Variants in UBL3 observed in about 807,000 individuals in gnomAD.
The protein encoded by UBL3 is ubiquitin-like protein 3.
A neutral mutation model predicts 18.4 loss-of-function variants in UBL3; 6 were observed. That is an observed-to-expected ratio of 0.33 (90% CI 0.18 to 0.64). UBL3 has a LOEUF of 0.64. UBL3 is among the 30% of genes least tolerant of loss of function. The pLI is 0.76. For synonymous variants in UBL3, 49 were observed against 46.6 expected, an observed-to-expected ratio of 1.05 and a Z score of -0.21; for missense variants, 109 against 142.9, an observed-to-expected ratio of 0.76 and a Z score of 1.21.
intron 1 of UBL3, among the ~76,000 whole-genome samples, chr13:29,830,533 G>GAAT: frequency 6.6e-6 from 1 of 152,260 alleles, no homozygotes; most frequent in Middle Eastern, 3.4e-3. Context: ...TGGGTACAAA[G>GAAT]AATTTAACAA....
At chr13:29,845,359 T>C (rs922464276) in intron 1 of UBL3, among the ~76,000 whole-genome samples, 53 of 152,218 alleles carry the variant, frequency 3.5e-4, no homozygotes, top group Admixed American at 2.3e-3. Context: ...TAAACAGTAC[T>C]TATCTACCTT....
intron 1 of UBL3, among the ~76,000 whole-genome samples, chr13:29,837,883 T>C (rs1191429270): frequency 2.0e-5 from 3 of 149,120 alleles, no homozygotes; most frequent in African/African-American, 5.0e-5. Context: ...GGAACTGAAA[T>C]TGCACCACTG....
At chr13:29,832,499 A>G (rs1878807803) in intron 1 of UBL3, among the ~76,000 whole-genome samples, 1 of 151,970 alleles carries the variant, frequency 6.6e-6, no homozygotes, top group Non-Finnish European at 1.5e-5. Context: ...CGCCCGGCTA[A>G]TTTTTTGTAT....
At chr13:29,836,769 A>G (rs1431368689) in intron 1 of UBL3, among the ~76,000 whole-genome samples, 1 of 152,210 alleles carries the variant, frequency 6.6e-6, no homozygotes, top group African/African-American at 2.4e-5. Flanking sequence ...AACCTCAAAG[A>G]AAGGGGCCCA....
rs138633582 is a variant in UBL3 at position 29,848,918 on chromosome 13, T to C, written c.27+594A>G. ...GCATTAAAAAGCCCTGGAATATTCA[T>C]TGTAAGTACCAATACAGGGTCAGCC... On this transcript the variant is annotated intron_variant, in intron 1 of 4. Transcript: ENST00000380680. Among the ~76,000 whole-genome samples, 354 of 152,350 alleles carry C rather than the reference T, an allele frequency of 2.3e-3. 3 individuals carry two copies. The highest frequency in any genetic ancestry group is 8.3e-3 in the African/African-American group (344 of 41,572).
At chr13:29,811,373 A>G (rs1323931) in intron 1 of UBL3, among the ~76,000 whole-genome samples, 19,152 of 152,136 alleles carry the variant, frequency 0.13, 1,497 homozygotes, top group East Asian at 0.41. Context: ...TCCTAAGAGT[A>G]TTTTAAAATG....
At chr13:29,846,579 AG>A (rs1156392118) in intron 1 of UBL3, among the ~76,000 whole-genome samples, 1 of 152,172 alleles carries the variant, frequency 6.6e-6, no homozygotes, top group Non-Finnish European at 1.5e-5. Flanking sequence ...TCTATTTTAA[AG>A]TGAGTCATAA....
intron 1 of UBL3, among the ~76,000 whole-genome samples, chr13:29,809,216 G>C (rs931887558): frequency 2.0e-5 from 3 of 152,170 alleles, no homozygotes; most frequent in African/African-American, 4.8e-5. Flanking sequence ...GGGTCAACAG[G>C]GTCCTAGAAT....
At chr13:29,783,485 G>A (rs1877231480) in intron 1 of UBL3, among the ~76,000 whole-genome samples, 1 of 152,104 alleles carries the variant, frequency 6.6e-6, no homozygotes, top group Non-Finnish European at 1.5e-5. Flanking sequence ...GAAAAACACT[G>A]GATTCCCATA....
At chr13:29,803,759 C>A (rs1877832495) in intron 1 of UBL3, among the ~76,000 whole-genome samples, 1 of 152,100 alleles carries the variant, frequency 6.6e-6, no homozygotes, top group Non-Finnish European at 1.5e-5. Context: ...CATATCTGCA[C>A]CCAACACAGG....
At chr13:29,780,798 T>C (rs1877134857) in intron 1 of UBL3, among the ~76,000 whole-genome samples, 1 of 152,194 alleles carries the variant, frequency 6.6e-6, no homozygotes, top group Admixed American at 6.5e-5. Context: ...CAGGACTCTC[T>C]TGCTGCCAAA....
At chr13:29,826,728 T>A (rs1878629901) in intron 1 of UBL3, among the ~76,000 whole-genome samples, 2 of 152,230 alleles carry the variant, frequency 1.3e-5, no homozygotes, top group African/African-American at 4.8e-5. Flanking sequence ...TTCTGCTAGC[T>A]TTTGAATGTG....
At chr13:29,837,239 G>T (rs1221655895) in intron 1 of UBL3, among the ~76,000 whole-genome samples, 1 of 151,958 alleles carries the variant, frequency 6.6e-6, no homozygotes, top group Non-Finnish European at 1.5e-5. Context: ...CAAAACAACA[G>T]AAACAGGCTC....
In UBL3 at chr13:29,767,700, G is replaced by A; in HGVS notation, c.224-5C>T. On this transcript the variant is annotated splice_region_variant and splice_polypyrimidine_tract_variant and intron_variant, in intron 3 of 4. Coordinates refer to ENST00000380680, the MANE Select transcript of UBL3 (RefSeq NM_007106.4). Reference sequence around the variant, plus strand: ...TGCCAAAAGGAAGTTTTAATGCTATGTGAAAAGCAAAAGATGATTAGTTAC... The same window carrying A: ...TGCCAAAAGGAAGTTTTAATGCTATATGAAAAGCAAAAGATGATTAGTTAC... The A allele has an allele frequency of 6.2e-7, 1 of 1,611,890 alleles. No individual in the cohort carries two copies. The highest frequency in any genetic ancestry group is 1.7e-5 in the Admixed American group (1 of 59,796).
At chr13:29,848,220 G>C (rs1175001041) in intron 1 of UBL3, among the ~76,000 whole-genome samples, 2 of 144,526 alleles carry the variant, frequency 1.4e-5, no homozygotes, top group African/African-American at 5.2e-5. Context: ...AAGATGGGTG[G>C]ATCATCTGAG....
At chr13:29,789,535 T>C (rs1593656570) in intron 1 of UBL3, among the ~76,000 whole-genome samples, 1 of 152,318 alleles carries the variant, frequency 6.6e-6, no homozygotes, top group Middle Eastern at 3.4e-3. Context: ...AACACACAAA[T>C]GTGTGTTAAA....
intron 1 of UBL3, among the ~76,000 whole-genome samples, chr13:29,823,714 T>C (rs189799169): frequency 1.9e-3 from 296 of 152,320 alleles, no homozygotes; most frequent in Non-Finnish European, 3.7e-3. Context: ...CTCATTTTTC[T>C]ATTTATTTTT....
intron 1 of UBL3, among the ~76,000 whole-genome samples, chr13:29,787,528 C>T (rs1351586552): frequency 1.3e-5 from 2 of 152,152 alleles, no homozygotes; most frequent in East Asian, 3.8e-4. Context: ...ATCCTGTAAG[C>T]TTACAGAACA....
At chr13:29,849,399 C>G in intron 1 of UBL3, 113 bp downstream of exon 1, 1 of 1,443,530 alleles carries the variant, frequency 6.9e-7, no homozygotes, top group Non-Finnish European at 9.7e-7. Flanking sequence ...TCGCTCAGCA[C>G]AGTGGCTTTT....
Sources: allele counts gnomAD v4.1 joint callset (sites outside exome capture counted in the v4.1 genomes callset), GRCh38; gene constraint gnomAD v4.1.1; transcripts MANE v1.5; gene names NCBI Gene and HGNC (gene_info 2026-07-23, HGNC 2026-07-21).